The following USH2A variants were observed in gnomAD, a reference collection of about 807,000 sequenced individuals.
USH2A encodes Usher syndrome 2A (autosomal recessive, mild).
USH2A carries 443 observed loss-of-function variants against 538.9 expected under a neutral mutation model. That is an observed-to-expected ratio of 0.82 (90% CI 0.76 to 0.89). The LOEUF (loss-of-function observed/expected upper bound fraction) is 0.89. USH2A is among the 40% of genes least tolerant of loss of function. The pLI is 0.00. For missense variants in USH2A, 6,633 were observed against 6,324.8 expected, an observed-to-expected ratio of 1.05 and a Z score of -1.65; for synonymous variants, 2,413 against 2,273.5, an observed-to-expected ratio of 1.06 and a Z score of -1.75.
chr1:216,019,339 T>C (rs916427041), intron 32 of USH2A, among the ~76,000 whole-genome samples: 5 of 152,076 alleles, frequency 3.3e-5, no homozygotes, highest in African/African-American at 1.2e-4. Flanking sequence ...ACGAAAGAAG[T>C]GAAGGAAGTA....
At position 216,172,245 on chromosome 1, in the gene USH2A, TA is replaced by T. The variant is rs1200478586; in HGVS notation, c.4627+3006del. Among the ~76,000 whole-genome samples, 7 of 152,238 alleles carry T rather than the reference TA, an allele frequency of 4.6e-5. No individual in the cohort carries two copies. In the East Asian group the frequency reaches 1.2e-3, roughly 25 times the overall value. On this transcript the variant is annotated intron_variant, in intron 21 of 71. Transcript: ENST00000307340. ...ATATTTCTTACTGAGACTTGCAACA[TA>T]ATGTTCATGGCCATGAAATGTGTTA...
chr1:215,798,643 T>G (rs1330987887), intron 50 of USH2A, among the ~76,000 whole-genome samples: 2 of 152,132 alleles, frequency 1.3e-5, no homozygotes, highest in Non-Finnish European at 2.9e-5. Flanking sequence ...TCATAACCAA[T>G]GCATTCATGT....
chr1:215,713,028 AACTCCCG>A (rs1256902295), intron 61 of USH2A, among the ~76,000 whole-genome samples: 1 of 152,096 alleles, frequency 6.6e-6, no homozygotes, highest in Admixed American at 6.6e-5. Flanking sequence ...GCTGATCTCA[AACTCCCG>A]ACCTCAGGTG....
intron 4 of USH2A, among the ~76,000 whole-genome samples, chr1:216,339,107 C>T (rs2038027672): frequency 1.3e-5 from 2 of 151,466 alleles, no homozygotes; most frequent in Admixed American, 6.6e-5. Flanking sequence ...AAGAGAAAAG[C>T]TAACTCTCCA....
At chr1:216,376,910 G>C (rs1052350745) in intron 3 of USH2A, among the ~76,000 whole-genome samples, 1 of 152,106 alleles carries the variant, frequency 6.6e-6, no homozygotes, top group Non-Finnish European at 1.5e-5. Context: ...CTGTGCATGA[G>C]TTATATCTGC....
chr1:215,964,863 G>A (rs540612370), intron 37 of USH2A, among the ~76,000 whole-genome samples: 2 of 152,138 alleles, frequency 1.3e-5, no homozygotes, highest in Non-Finnish European at 2.9e-5. Flanking sequence ...TACTAAGATA[G>A]TTCAGAAATC....
At chr1:215,886,225 C>G (rs1409333033) in intron 41 of USH2A, among the ~76,000 whole-genome samples, 1 of 152,182 alleles carries the variant, frequency 6.6e-6, no homozygotes, top group African/African-American at 2.4e-5. Flanking sequence ...TAATGACTAT[C>G]CTTCTGTTAT....
chr1:216,124,226 A>G (rs959062474), intron 21 of USH2A, among the ~76,000 whole-genome samples: 1 of 149,728 alleles, frequency 6.7e-6, no homozygotes, highest in Admixed American at 6.8e-5. Flanking sequence ...ATACAAATAC[A>G]TCAAAATTAA....
At chr1:215,719,160 G>T (rs1032845997) in intron 61 of USH2A, among the ~76,000 whole-genome samples, 5 of 152,122 alleles carry the variant, frequency 3.3e-5, no homozygotes, top group Non-Finnish European at 5.9e-5. Context: ...GTCTGTGTGT[G>T]TGTGTGACTA....
At position 215,867,117 on chromosome 1, in the gene USH2A, G is replaced by T; in HGVS notation, c.8735C>A (p.Pro2912Gln). Residue 2912 changes from proline to glutamine, a missense_variant, in exon 44 of 72, where the codon CCG becomes CAG. Coordinates refer to ENST00000307340, the MANE Select transcript of USH2A (RefSeq NM_206933.4). ...LFVHNSVGFT[P>Q]SREVTVTTLA... ...CGTTGTCACAGTCACTTCTCGGCTCGGTGTAAAACCCACACTGTTGTGTAC... is the reference window on the plus strand; with the variant it reads ...CGTTGTCACAGTCACTTCTCGGCTCTGTGTAAAACCCACACTGTTGTGTAC... 1.2e-6 allele frequency: 2 copies of T among 1,613,954 alleles called. No homozygotes were observed. The highest frequency in any genetic ancestry group is 8.5e-7 in the Non-Finnish European group (1 of 1,179,964).
chr1:215,982,199 G>C (rs1571864703), intron 35 of USH2A, among the ~76,000 whole-genome samples: 1 of 152,092 alleles, frequency 6.6e-6, no homozygotes, highest in East Asian at 1.9e-4. Flanking sequence ...TTCATTTCTT[G>C]ACCAACAAAA....
intron 35 of USH2A, among the ~76,000 whole-genome samples, chr1:215,987,940 ATT>A (rs11331717): frequency 5.3e-5 from 8 of 151,476 alleles, no homozygotes; most frequent in East Asian, 1.9e-4. Context: ...TTAATCAGCA[ATT>A]TTTTTTTGTT....
intron 64 of USH2A, 44 bp downstream of exon 64, chr1:215,670,928 G>A (rs939242516): frequency 2.5e-6 from 4 of 1,595,022 alleles, no homozygotes; most frequent in Non-Finnish European, 1.7e-6. Flanking sequence ...GTGCTGACGG[G>A]TGCAAACAAT....
At chr1:215,964,303 T>C (rs1171334602) in intron 37 of USH2A, among the ~76,000 whole-genome samples, 1 of 152,134 alleles carries the variant, frequency 6.6e-6, no homozygotes, top group African/African-American at 2.4e-5. Context: ...AAAGCCCTGA[T>C]TGCATAAAAA....
chr1:215,641,925 A>C (rs915285651), intron 67 of USH2A, among the ~76,000 whole-genome samples: 2 of 152,214 alleles, frequency 1.3e-5, no homozygotes, highest in Non-Finnish European at 2.9e-5. Flanking sequence ...TTAAATCTCA[A>C]TGCTTTTCCA....
At chr1:216,206,627 C>T (rs1281701144) in intron 16 of USH2A, among the ~76,000 whole-genome samples, 1 of 152,026 alleles carries the variant, frequency 6.6e-6, no homozygotes, top group African/African-American at 2.4e-5. Flanking sequence ...ATTGGGGACC[C>T]CTGCCTTAAA....
chr1:215,629,509 T>C (rs1378125646), intron 70 of USH2A, among the ~76,000 whole-genome samples: 1 of 152,178 alleles, frequency 6.6e-6, no homozygotes, highest in Non-Finnish European at 1.5e-5. Context: ...GTGAGCTCCG[T>C]TTGTCTTTCA....
chr1:216,066,061 T>A (rs2031351378), intron 30 of USH2A, among the ~76,000 whole-genome samples: 1 of 152,284 alleles, frequency 6.6e-6, no homozygotes, highest in Admixed American at 6.5e-5. Flanking sequence ...GCCTTTTAAA[T>A]TTGCAATTTT....
chr1:216,010,313 A>T (rs574528235), intron 32 of USH2A, among the ~76,000 whole-genome samples: 3 of 152,144 alleles, frequency 2.0e-5, no homozygotes, highest in Non-Finnish European at 4.4e-5. Context: ...AGGCCAGGGA[A>T]TTCCTGCAGC....
Sources: allele counts gnomAD v4.1 joint callset (sites outside exome capture counted in the v4.1 genomes callset), GRCh38; gene constraint gnomAD v4.1.1; transcripts MANE v1.5; gene names NCBI Gene and HGNC (gene_info 2026-07-23, HGNC 2026-07-21).